Variants in DLEU7 observed in about 807,000 individuals in gnomAD.
DLEU7 encodes deleted in lymphocytic leukemia 7.
Under a neutral mutation model 16.0 loss-of-function variants are expected in DLEU7, and 17 were observed. The ratio of observed to expected loss-of-function variants is 1.06; its 90% confidence interval spans 0.73 to 1.59. DLEU7 has a LOEUF of 1.59. Among genes scored for constraint, DLEU7 ranks in the 40% most tolerant of loss-of-function variants. DLEU7 has a pLI of 0.00. For synonymous variants in DLEU7, 113 were observed against 139.8 expected, an observed-to-expected ratio of 0.81 and a Z score of 1.35; for missense variants, 308 against 314.9, an observed-to-expected ratio of 0.98 and a Z score of 0.17.
intron 1 of DLEU7, among the ~76,000 whole-genome samples, chr13:50,763,887 A>G (rs766138611): frequency 3.9e-4 from 59 of 152,330 alleles, no homozygotes; most frequent in Non-Finnish European, 4.3e-4. Flanking sequence ...TGCTGTGGGG[A>G]CTAAGTGAGA....
At chr13:50,766,352 G>A (rs576484843) in intron 1 of DLEU7, among the ~76,000 whole-genome samples, 4 of 152,282 alleles carry the variant, frequency 2.6e-5, no homozygotes, top group Non-Finnish European at 4.4e-5. Context: ...CTGCAGGCTC[G>A]TGCTGGGCTC....
intron 1 of DLEU7, among the ~76,000 whole-genome samples, chr13:50,753,546 C>T (rs1330079833): frequency 6.6e-6 from 1 of 152,230 alleles, no homozygotes; most frequent in African/African-American, 2.4e-5. Flanking sequence ...CAGCCGCTGG[C>T]CCGGTTGCTA....
chr13:50,749,086 A>G (rs1036910843), intron 1 of DLEU7, among the ~76,000 whole-genome samples: 2 of 133,294 alleles, frequency 1.5e-5, no homozygotes, highest in East Asian at 4.4e-4. Flanking sequence ...TACCATTCTT[A>G]TACCTTTGTG....
At chr13:50,754,538 C>A (rs1480221420) in intron 1 of DLEU7, among the ~76,000 whole-genome samples, 3 of 152,098 alleles carry the variant, frequency 2.0e-5, no homozygotes, top group African/African-American at 7.2e-5. Flanking sequence ...CTTTTTCCAC[C>A]CCTTTACTTT....
chr13:50,724,400 AG>A (rs1289197769), intron 1 of DLEU7, among the ~76,000 whole-genome samples: 4 of 152,148 alleles, frequency 2.6e-5, no homozygotes, highest in African/African-American at 9.7e-5. Context: ...GCAACATCAG[AG>A]TGAGATATTT....
chr13:50,830,164 T>G (rs748003121), intron 1 of DLEU7, among the ~76,000 whole-genome samples: 5 of 152,278 alleles, frequency 3.3e-5, no homozygotes, highest in South Asian at 4.1e-4. Flanking sequence ...TTGTGTAATT[T>G]CAGACTCTGG....
rs182649474 is a variant in DLEU7 at position 50,753,427 on chromosome 13, G to A, written c.460-40187C>T. On this transcript the variant is annotated intron_variant, in intron 1 of 1. Coordinates refer to the DLEU7 transcript ENST00000400393. Reference sequence around the variant, plus strand: ...AGGGGGTGGGAGGCTCAGGCATGGCGGGCTGCAGGCCCCGAGCCCTGCCCC... The same window carrying A: ...AGGGGGTGGGAGGCTCAGGCATGGCAGGCTGCAGGCCCCGAGCCCTGCCCC... Among the ~76,000 whole-genome samples the A allele has an allele frequency of 4.1e-4, 63 of 152,364 alleles. No homozygotes were observed. In the East Asian group the frequency reaches 8.9e-3, roughly 21 times the overall value.
At chr13:50,820,455 G>T (rs1181688417), downstream of DLEU7, among the ~76,000 whole-genome samples, 1 of 152,138 alleles carries the variant, frequency 6.6e-6, no homozygotes, top group East Asian at 1.9e-4. Flanking sequence ...CAGAGCCTTA[G>T]TGGCCAACCA....
chr13:50,733,092 T>C (rs1176321625), intron 1 of DLEU7, among the ~76,000 whole-genome samples: 1 of 152,152 alleles, frequency 6.6e-6, no homozygotes, highest in East Asian at 1.9e-4. Flanking sequence ...AAATAGAAGA[T>C]CTCAACAGCA....
chr13:50,771,776 A>C (rs985890934), intron 1 of DLEU7, among the ~76,000 whole-genome samples: 5 of 152,188 alleles, frequency 3.3e-5, no homozygotes, highest in African/African-American at 1.2e-4. Context: ...GATGTCTATT[A>C]GGTCTGCTTG....
At chr13:50,792,944 A>C (rs1455625056) in intron 1 of DLEU7, among the ~76,000 whole-genome samples, 1 of 151,458 alleles carries the variant, frequency 6.6e-6, no homozygotes, top group Non-Finnish European at 1.5e-5. Context: ...TGTGATGCCG[A>C]GGTTTGGAAT....
intron 1 of DLEU7, among the ~76,000 whole-genome samples, chr13:50,835,751 A>G (rs1405587501): frequency 2.0e-5 from 3 of 152,244 alleles, no homozygotes; most frequent in African/African-American, 7.2e-5. Flanking sequence ...ACTTTTCTGC[A>G]TTCTGCATTG....
At chr13:50,841,617 C>G (rs956574079) in intron 1 of DLEU7, among the ~76,000 whole-genome samples, 1 of 151,708 alleles carries the variant, frequency 6.6e-6, no homozygotes, top group African/African-American at 2.4e-5. Flanking sequence ...GTAGTTGCAG[C>G]TACTGAGGAG....
intron 1 of DLEU7, among the ~76,000 whole-genome samples, chr13:50,735,856 CAG>C (rs1349450847): frequency 6.6e-6 from 1 of 152,098 alleles, no homozygotes; most frequent in Non-Finnish European, 1.5e-5. Flanking sequence ...CAAAAAATAA[CAG>C]ATGCTGGCAA....
rs989288623 is a variant in DLEU7, at chr13:50,843,277, C to T, written c.370G>A (p.Val124Met). ...ACCAGCTCCGAAGTCGAGTCCACCA[C>T]GCGGGCCAGCGCGCTGCGCATCGCC... Reference protein sequence around the residue: ...QMAMRSALARVVDSTSELVSV... With the variant: ...QMAMRSALARMVDSTSELVSV... Residue 124 changes from valine (V) to methionine (M), a missense_variant, in exon 1 of 2, where the codon GTG (valine) becomes ATG (methionine). Coordinates refer to ENST00000504404, the MANE Select transcript of DLEU7 (RefSeq NM_001306135.2). The surrounding 1 kb of genome is among the most constrained non-coding windows in gnomAD (Gnocchi z 5.7). 6.3e-7 allele frequency: 1 copy of T among 1,575,350 alleles called. No homozygotes were observed. The highest frequency in any genetic ancestry group is 1.8e-5 in the Admixed American group (1 of 56,022).
At chr13:50,762,458 G>A (rs1485434462) in intron 1 of DLEU7, among the ~76,000 whole-genome samples, 1 of 152,112 alleles carries the variant, frequency 6.6e-6, no homozygotes, top group Non-Finnish European at 1.5e-5. Flanking sequence ...ACAGGGTAAA[G>A]CCCAGGTCGG....
At position 50,836,874 on chromosome 13, in the gene DLEU7, C is replaced by T. The variant is rs541969666; in HGVS notation, c.459+6314G>A. 2.6e-5 allele frequency among the ~76,000 whole-genome samples: 4 copies of T among 152,234 alleles called. No individual in the cohort carries two copies. In the East Asian group the frequency reaches 7.7e-4, roughly 29 times the overall value. On this transcript the variant is annotated intron_variant, in intron 1 of 1. Transcript: ENST00000504404. Reference sequence around the variant, plus strand: ...CATTAGCACCCTCTACACTGGATGTCTACATAAAAGGGGAGTGATGTTTTC... The same window carrying T: ...CATTAGCACCCTCTACACTGGATGTTTACATAAAAGGGGAGTGATGTTTTC...
intron 1 of DLEU7, among the ~76,000 whole-genome samples, chr13:50,758,910 G>A (rs147166578): frequency 1.3e-5 from 2 of 152,276 alleles, no homozygotes; most frequent in African/African-American, 2.4e-5. Context: ...CACATTCAAG[G>A]GGAGAAGATT....
chr13:50,818,315 A>T (rs1353449481), downstream of DLEU7, among the ~76,000 whole-genome samples: 1 of 152,174 alleles, frequency 6.6e-6, no homozygotes, highest in African/African-American at 2.4e-5. Context: ...CATTGTTAGG[A>T]TGACCATCAC....
Sources: allele counts gnomAD v4.1 joint callset (sites outside exome capture counted in the v4.1 genomes callset), GRCh38; gene constraint gnomAD v4.1.1; non-coding constraint Gnocchi (gnomAD v3.1); transcripts MANE v1.5; gene names NCBI Gene and HGNC (gene_info 2026-07-23, HGNC 2026-07-21).